C1orf21: variants seen among roughly 807,000 people sequenced by gnomAD.
C1orf21 encodes uncharacterized protein C1orf21.
C1orf21 carries 3 observed loss-of-function variants against 18.7 expected under a neutral mutation model. The observed-to-expected ratio is 0.16, with a 90% confidence interval of 0.07 to 0.42. The LOEUF is 0.42. Ranked by LOEUF, C1orf21 falls within the 10% of genes least tolerant of loss-of-function variation. C1orf21 has a pLI of 0.99. For synonymous variants in C1orf21, 41 were observed against 46.4 expected, an observed-to-expected ratio of 0.88 and a Z score of 0.47; for missense variants, 104 against 143.6, an observed-to-expected ratio of 0.72 and a Z score of 1.41.
intron 2 of C1orf21, among the ~76,000 whole-genome samples, chr1:184,501,287 G>A (rs1397945646): frequency 6.6e-6 from 1 of 151,990 alleles, no homozygotes; most frequent in Non-Finnish European, 1.5e-5. Flanking sequence ...CTTACCTCCT[G>A]GAATTCTTCA....
intron 3 of C1orf21, among the ~76,000 whole-genome samples, chr1:184,513,325 G>A (rs529188294): frequency 6.6e-6 from 1 of 152,284 alleles, no homozygotes; most frequent in East Asian, 1.9e-4. Flanking sequence ...GTTTATGGAT[G>A]GGCAAAATCC....
chr1:184,550,630 G>A (rs1291661323), intron 3 of C1orf21, among the ~76,000 whole-genome samples: 2 of 152,140 alleles, frequency 1.3e-5, no homozygotes, highest in Non-Finnish European at 2.9e-5. Flanking sequence ...GACCTCCTGG[G>A]CTCAAACGAT....
intron 3 of C1orf21, among the ~76,000 whole-genome samples, chr1:184,574,567 A>T (rs1278008065): frequency 6.6e-6 from 1 of 152,162 alleles, no homozygotes; most frequent in Non-Finnish European, 1.5e-5. Context: ...TAAAGCTCCT[A>T]ATCATGTTCT....
chr1:184,596,884 AAAAAG>A (rs929810525), intron 4 of C1orf21, among the ~76,000 whole-genome samples: 4 of 149,676 alleles, frequency 2.7e-5, no homozygotes, highest in Non-Finnish European at 4.5e-5. Context: ...AAAAAAAAAA[AAAAAG>A]AAAGAAAGAA....
At position 184,529,776 on chromosome 1, in the gene C1orf21, T is replaced by G. The variant is rs560078277; in HGVS notation, c.189+22094T>G. 2.6e-5 allele frequency among the ~76,000 whole-genome samples: 4 copies of G among 152,280 alleles called. No individual in the cohort carries two copies. In the East Asian group the frequency reaches 7.7e-4, roughly 29 times the overall value. On this transcript the variant is annotated intron_variant, in intron 3 of 5. Coordinates refer to ENST00000235307, the MANE Select transcript of C1orf21 (RefSeq NM_030806.4). Reference sequence around the variant, plus strand: ...TAAAGAAGTGAGGAGCGGACCAGATTGGGCTACTTAGAAGTCATTGGGTCT... The same window carrying G: ...TAAAGAAGTGAGGAGCGGACCAGATGGGGCTACTTAGAAGTCATTGGGTCT...
At chr1:184,460,560 C>T (rs747656428) in intron 1 of C1orf21, among the ~76,000 whole-genome samples, 17 of 151,934 alleles carry the variant, frequency 1.1e-4, no homozygotes, top group Non-Finnish European at 2.4e-4. Flanking sequence ...CACTAGGGCA[C>T]GGTACATCTG....
intron 1 of C1orf21, among the ~76,000 whole-genome samples, chr1:184,390,186 T>C (rs923266025): frequency 2.0e-5 from 3 of 152,210 alleles, no homozygotes; most frequent in Non-Finnish European, 4.4e-5. Flanking sequence ...GAGCATTGCT[T>C]TGTTTGTATT....
chr1:184,460,967 A>T (rs1403225460), intron 1 of C1orf21, among the ~76,000 whole-genome samples: 3 of 152,024 alleles, frequency 2.0e-5, no homozygotes, highest in African/African-American at 4.8e-5. Context: ...CCTTGACTCT[A>T]GCTATGGAGA....
chr1:184,550,923 A>G (rs770059477), intron 3 of C1orf21, among the ~76,000 whole-genome samples: 1 of 152,252 alleles, frequency 6.6e-6, no homozygotes, highest in Non-Finnish European at 1.5e-5. Flanking sequence ...AGTCAGTGAC[A>G]TGATGAAATA....
chr1:184,423,921 TCCTTAATG>T, intron 1 of C1orf21, among the ~76,000 whole-genome samples: 1 of 152,050 alleles, frequency 6.6e-6, no homozygotes, highest in Non-Finnish European at 1.5e-5. Context: ...TTTAAGGGTT[TCCTTAATG>T]CCTGTTACTG....
chr1:184,449,620 T>A (rs1657090479), intron 1 of C1orf21, among the ~76,000 whole-genome samples: 1 of 152,206 alleles, frequency 6.6e-6, no homozygotes, highest in African/African-American at 2.4e-5. Context: ...GATTTCTTAA[T>A]ACTCAGGAAC....
rs1660048995 is a variant in C1orf21, at chr1:184,628,194, A to C, written c.*8638A>C. 6.6e-6 allele frequency: 1 copy of C among 152,192 alleles called. No homozygotes were observed. The highest frequency in any genetic ancestry group is 2.4e-5 in the African/African-American group (1 of 41,440). The allele number at this position is 152,192 out of a possible 1,614,324, so 9.4% of individuals were successfully genotyped here. ...TGCCTGCACATGAATTCTCCAAAGC[A>C]GTGGGCCCCCATCTGTTTCAATTAC... On this transcript the variant is annotated 3_prime_UTR_variant, in exon 6 of 6. Transcript: ENST00000235307.
At chr1:184,415,623 G>A (rs1656437785) in intron 1 of C1orf21, among the ~76,000 whole-genome samples, 1 of 152,084 alleles carries the variant, frequency 6.6e-6, no homozygotes, top group Non-Finnish European at 1.5e-5. Flanking sequence ...TGAAACAGAA[G>A]AGAAAGGAAA....
rs1185266533 is a variant in C1orf21 at position 184,489,692 on chromosome 1, T to A, written c.94+12089T>A. Reference sequence around the variant, plus strand: ...TCAAGGTATTCTATATTTATTGATATGGCAAAAGGTTTGTGACAGATTATT... The same window carrying A: ...TCAAGGTATTCTATATTTATTGATAAGGCAAAAGGTTTGTGACAGATTATT... On this transcript the variant is annotated intron_variant, in intron 2 of 5. Transcript: ENST00000235307. Among the ~76,000 whole-genome samples the A allele has an allele frequency of 2.0e-5, 3 of 152,248 alleles. No homozygotes were observed. In the East Asian group the frequency reaches 5.8e-4, roughly 29 times the overall value.
At chr1:184,579,223 G>C (rs1337780691) in intron 3 of C1orf21, among the ~76,000 whole-genome samples, 2 of 111,994 alleles carry the variant, frequency 1.8e-5, no homozygotes, top group African/African-American at 7.0e-5. Flanking sequence ...TTTTTTTTTT[G>C]GTATTTTTAG....
chr1:184,408,775 T>A (rs1236206885), intron 1 of C1orf21, among the ~76,000 whole-genome samples: 1 of 152,186 alleles, frequency 6.6e-6, no homozygotes, highest in African/African-American at 2.4e-5. Flanking sequence ...TTTACACCCC[T>A]TGGGGATAGT....
At chr1:184,516,231 T>A (rs1424771342) in intron 3 of C1orf21, among the ~76,000 whole-genome samples, 1 of 152,166 alleles carries the variant, frequency 6.6e-6, no homozygotes, top group Non-Finnish European at 1.5e-5. Flanking sequence ...ATCTATAGAG[T>A]TGAGGACTAA....
chr1:184,491,503 C>T (rs1173172955), intron 2 of C1orf21, among the ~76,000 whole-genome samples: 1 of 152,026 alleles, frequency 6.6e-6, no homozygotes, highest in Admixed American at 6.6e-5. Flanking sequence ...GTGCAAGCCC[C>T]CCATGCCCAG....
intron 3 of C1orf21, chr1:184,567,288 A>C: frequency 2.2e-6 from 1 of 458,426 alleles, no homozygotes; most frequent in Non-Finnish European, 4.4e-6. Flanking sequence ...TTTTTCATTA[A>C]AGGTCCTGGA....
Sources: gnomAD v4.1 joint callset for allele counts (sites outside exome capture counted in the v4.1 genomes callset) on GRCh38, gnomAD v4.1.1 for gene constraint, MANE v1.5 for transcripts, NCBI Gene and HGNC (gene_info 2026-07-23, HGNC 2026-07-21) for gene names.